CYRIA: variants seen among roughly 807,000 people sequenced by gnomAD.
CYRIA encodes CYFIP related Rac1 interactor A.
CYRIA carries 15 observed loss-of-function variants against 43.9 expected under a neutral mutation model. That is an observed-to-expected ratio of 0.34 (90% CI 0.23 to 0.53). CYRIA has a LOEUF of 0.53. CYRIA is among the 20% of genes least tolerant of loss of function. The pLI is 0.94. For synonymous variants in CYRIA, 117 were observed against 136.0 expected (o/e 0.86, Z 0.97); for missense variants, 236 against 394.2 (o/e 0.60, Z 3.40).
intron 2 of CYRIA, among the ~76,000 whole-genome samples, chr2:16,589,195 C>T (rs1026052550): frequency 6.6e-6 from 1 of 152,092 alleles, no homozygotes; most frequent in Non-Finnish European, 1.5e-5. Flanking sequence ...TGTGAAGGAT[C>T]AGTTTGAAAA....
At chr2:16,571,490 T>C (rs1422394300) in intron 3 of CYRIA, among the ~76,000 whole-genome samples, 1 of 152,252 alleles carries the variant, frequency 6.6e-6, no homozygotes, top group Non-Finnish European at 1.5e-5. Context: ...CTAATTTTTA[T>C]AGATCGGCCA....
At chr2:16,563,850 T>C (rs1666834142) in intron 5 of CYRIA, 139 bp downstream of exon 5, 2 of 601,748 alleles carry the variant, frequency 3.3e-6, no homozygotes, top group Non-Finnish European at 5.8e-6. Flanking sequence ...CAAGAGTTGT[T>C]GCTCATAAAT....
At chr2:16,604,768 G>A (rs73918607) in intron 2 of CYRIA, among the ~76,000 whole-genome samples, 29,363 of 152,024 alleles carry the variant, frequency 0.19, 3,529 homozygotes, top group African/African-American at 0.34. Context: ...TTAGATGGCG[G>A]GGCTGGGCTT....
At chr2:16,607,717 C>T (rs1272867428) in intron 2 of CYRIA, among the ~76,000 whole-genome samples, 2 of 152,138 alleles carry the variant, frequency 1.3e-5, no homozygotes, top group African/African-American at 4.8e-5. Context: ...CTGCCTTAGC[C>T]TCCCAAGCAG....
intron 1 of CYRIA, among the ~76,000 whole-genome samples, chr2:16,657,486 T>G (rs989001328): frequency 5.9e-5 from 9 of 152,030 alleles, no homozygotes; most frequent in African/African-American, 2.2e-4. Context: ...TGTTGTTTTT[T>G]TTTTTTTGGC....
intron 2 of CYRIA, among the ~76,000 whole-genome samples, chr2:16,600,526 A>G (rs945595471): frequency 3.9e-5 from 6 of 152,240 alleles, no homozygotes; most frequent in Non-Finnish European, 8.8e-5. Context: ...GGTGATGCAC[A>G]TTCTATTTAG....
chr2:16,565,697 G>A lies in CYRIA; in HGVS notation c.141C>T (p.Ser47=), dbSNP rs1247343715. The A allele has an allele frequency of 1.3e-6, 2 of 1,594,238 alleles. No homozygotes were observed. Among genetic ancestry groups the A allele is most frequent in the Admixed American group, 3.4e-5 (2 of 59,690 alleles). The change falls in exon 4 of 12, where the codon AGC becomes AGT. Residue 47 remains serine (S), a synonymous_variant. Coordinates refer to ENST00000381323, the MANE Select transcript of CYRIA (RefSeq NM_030797.4). ...TGTAAGCCTGCAGGTCTGCAAGGAT[G>A]CTCTCAGAATCCTGAAGGACGGCGC... ...QISAVLQDSE[S]ILADLQAYKG...
At chr2:16,655,945 T>C (rs1234411822) in intron 1 of CYRIA, among the ~76,000 whole-genome samples, 2 of 152,200 alleles carry the variant, frequency 1.3e-5, no homozygotes, top group African/African-American at 2.4e-5. Context: ...ATTCAGTTGC[T>C]TTCTGCCAGT....
chr2:16,655,634 A>G (rs1043303062), intron 1 of CYRIA, among the ~76,000 whole-genome samples: 2 of 152,194 alleles, frequency 1.3e-5, no homozygotes, highest in African/African-American at 4.8e-5. Context: ...ATGTGCGGCA[A>G]CTGGAGCACG....
chr2:16,601,672 T>A (rs1324374479), intron 2 of CYRIA, among the ~76,000 whole-genome samples: 1 of 148,612 alleles, frequency 6.7e-6, no homozygotes, highest in African/African-American at 2.5e-5. Context: ...AAACCATGAC[T>A]CTCTTTAAGA....
chr2:16,610,934 A>ATATATATATATATC, intron 2 of CYRIA, among the ~76,000 whole-genome samples: 1 of 122,798 alleles, frequency 8.1e-6, no homozygotes, highest in Non-Finnish European at 1.7e-5. Context: ...ATATATATAT[A>ATATATATATATATC]TATCCTGTAT....
At chr2:16,662,669 C>G (rs1011579657) in intron 1 of CYRIA, among the ~76,000 whole-genome samples, 2 of 152,218 alleles carry the variant, frequency 1.3e-5, no homozygotes, top group Non-Finnish European at 2.9e-5. Context: ...CCATGCTTCT[C>G]TCCCCTACCC....
rs951526471 is a variant in CYRIA, at chr2:16,640,862, C to G, written c.-166-16843G>C. Reference sequence around the variant, plus strand: ...AAAATAAGCAGCTTCATTTCATTAACGAGGTGAAGCTTGAGCACACATGGG... The same window carrying G: ...AAAATAAGCAGCTTCATTTCATTAAGGAGGTGAAGCTTGAGCACACATGGG... On this transcript the variant is annotated intron_variant, in intron 1 of 11. Transcript: ENST00000381323. 3.0e-5 allele frequency among the ~76,000 whole-genome samples: 4 copies of G among 132,030 alleles called. No homozygotes were observed. In the East Asian group the frequency reaches 9.2e-4, roughly 30 times the overall value. 86.6% of individuals were successfully genotyped at this position (132,030 alleles called of 152,430 possible). A position where few individuals can be genotyped will look rare whatever the true frequency, so the allele number is the denominator to read the frequency against.
chr2:16,658,441 A>G (rs964327502), intron 1 of CYRIA, among the ~76,000 whole-genome samples: 1 of 152,280 alleles, frequency 6.6e-6, no homozygotes, highest in African/African-American at 2.4e-5. Flanking sequence ...TTCCTGAGAC[A>G]CAAACATTAT....
intron 3 of CYRIA, among the ~76,000 whole-genome samples, chr2:16,580,444 A>T (rs1667513269): frequency 6.6e-6 from 1 of 152,252 alleles, no homozygotes; most frequent in Non-Finnish European, 1.5e-5. Context: ...AAAGATGGGC[A>T]GCACTTTTAT....
chr2:16,612,287 G>T (rs1668631527), intron 2 of CYRIA, among the ~76,000 whole-genome samples: 1 of 152,052 alleles, frequency 6.6e-6, no homozygotes, highest in Non-Finnish European at 1.5e-5. Flanking sequence ...AAGAGGGAAG[G>T]AAAGGAGGGC....
intron 1 of CYRIA, among the ~76,000 whole-genome samples, chr2:16,646,365 A>T (rs73213599): frequency 0.09 from 13,697 of 152,230 alleles, 1,057 homozygotes; most frequent in African/African-American, 0.21. Flanking sequence ...CCTTATCAAG[A>T]TTATCTTAAA....
Position 16,551,375 on chromosome 2 carries a change from A to C in CYRIA, c.*1561T>G, listed in dbSNP as rs1216540181. ...TGCCTGGGTGACTCCTTCTAGTGGAAACAGGCAAGTAACAATATAGACCAG... is the reference window on the plus strand; with the variant it reads ...TGCCTGGGTGACTCCTTCTAGTGGACACAGGCAAGTAACAATATAGACCAG... On this transcript the variant is annotated 3_prime_UTR_variant, in exon 12 of 12. Coordinates refer to ENST00000381323, the MANE Select transcript of CYRIA (RefSeq NM_030797.4). 1 of 152,160 alleles carries C rather than the reference A, an allele frequency of 6.6e-6. No individual in the cohort carries two copies. The highest frequency in any genetic ancestry group is 1.5e-5 in the Non-Finnish European group (1 of 68,028). 9.4% of individuals were successfully genotyped at this position (152,160 alleles called of 1,614,324 possible). A position where few individuals can be genotyped will look rare whatever the true frequency, so the allele number is the denominator to read the frequency against.
chr2:16,558,298 T>C (rs1433709874), intron 10 of CYRIA, among the ~76,000 whole-genome samples: 1 of 152,156 alleles, frequency 6.6e-6, no homozygotes, highest in African/African-American at 2.4e-5. Context: ...CATGACTAAC[T>C]ATACTACGAA....
Sources: gnomAD v4.1 joint callset for allele counts (sites outside exome capture counted in the v4.1 genomes callset) on GRCh38, gnomAD v4.1.1 for gene constraint, MANE v1.5 for transcripts, NCBI Gene and HGNC (gene_info 2026-07-23, HGNC 2026-07-21) for gene names.